CTSS: variants seen among roughly 807,000 people sequenced by gnomAD.
CTSS encodes the protein cathepsin S.
CTSS carries 15 observed loss-of-function variants against 39.9 expected under a neutral mutation model. The ratio of observed to expected loss-of-function variants is 0.38; its 90% CI spans 0.25 to 0.58. The LOEUF is 0.58. Among genes scored for constraint, CTSS ranks in the 20% least tolerant of loss-of-function variants. The pLI, the probability that CTSS is intolerant of heterozygous loss-of-function variation, is 0.70. For synonymous variants in CTSS, 126 were observed against 138.2 expected (o/e 0.91, Z 0.62); for missense variants, 250 against 398.2 (o/e 0.63, Z 3.17).
intron 3 of CTSS, among the ~76,000 whole-genome samples, chr1:150,755,970 T>A (rs181676844): frequency 3.7e-4 from 57 of 152,338 alleles, no homozygotes; most frequent in Non-Finnish European, 6.6e-4. Context: ...TTTTACTTAA[T>A]AAACTTTTAA....
At chr1:150,754,059 C>T (rs1446942141) in intron 4 of CTSS, among the ~76,000 whole-genome samples, 4 of 151,806 alleles carry the variant, frequency 2.6e-5, no homozygotes, top group South Asian at 2.1e-4. Flanking sequence ...TTTTCAAGTT[C>T]CTTATATAAA....
intron 7 of CTSS, among the ~76,000 whole-genome samples, chr1:150,743,608 T>TAC (rs1165395544): frequency 6.8e-4 from 75 of 110,082 alleles, no homozygotes; most frequent in Middle Eastern, 4.5e-3. Context: ...ATACATAATA[T>TAC]ATTATATATG....
At chr1:150,746,649 G>C (rs1652901763) in intron 7 of CTSS, among the ~76,000 whole-genome samples, 1 of 152,174 alleles carries the variant, frequency 6.6e-6, no homozygotes, top group Admixed American at 6.6e-5. Flanking sequence ...TTGTGCCTGA[G>C]CTACTTCTGA....
At chr1:150,746,708 G>A (rs1377319419) in intron 7 of CTSS, among the ~76,000 whole-genome samples, 5 of 152,136 alleles carry the variant, frequency 3.3e-5, no homozygotes, top group Non-Finnish European at 7.4e-5. Flanking sequence ...TCTAGGCAGA[G>A]GGAACACAAA....
intron 3 of CTSS, among the ~76,000 whole-genome samples, 184 bp downstream of exon 3, chr1:150,757,674 G>A (rs947243544): frequency 1.4e-4 from 21 of 152,178 alleles, no homozygotes; most frequent in Non-Finnish European, 2.8e-4. Flanking sequence ...AAAGAAAGCA[G>A]TCAAAATAGA....
chr1:150,763,017 A>G (rs587774903), intron 2 of CTSS, among the ~76,000 whole-genome samples: 11 of 152,274 alleles, frequency 7.2e-5, no homozygotes, highest in African/African-American at 2.4e-4. Context: ...TACGGAATCA[A>G]CCTTATAAAG....
intron 7 of CTSS, 84 bp downstream of exon 7, chr1:150,747,693 G>T: frequency 2.3e-6 from 2 of 875,002 alleles, no homozygotes; most frequent in Non-Finnish European, 3.8e-6. Flanking sequence ...TGATCATAAT[G>T]ATCATCATCA....
At chr1:150,748,088 G>A (rs1201926699) in intron 6 of CTSS, 4 of 426,452 alleles carry the variant, frequency 9.4e-6, no homozygotes, top group South Asian at 9.3e-5. Context: ...TCAAGAGATC[G>A]AGACCATCCT....
intron 5 of CTSS, among the ~76,000 whole-genome samples, chr1:150,751,420 G>A (rs1365437825): frequency 6.6e-6 from 1 of 151,854 alleles, no homozygotes; most frequent in Non-Finnish European, 1.5e-5. Context: ...GCTAATTTTT[G>A]TATTTTTGGT....
chr1:150,759,684 G>T (rs587773533), intron 2 of CTSS, among the ~76,000 whole-genome samples: 3 of 151,904 alleles, frequency 2.0e-5, no homozygotes, highest in East Asian at 3.9e-4. Context: ...CATGCTGACC[G>T]ACGATTTTCT....
chr1:150,735,970 G>T lies in CTSS; in HGVS notation c.897-2825C>A, dbSNP rs587649987. ...AGATGGGGTTTTACCGTGTTAGCCA[G>T]GATGGTCTCGATCTCCTGACCTTGT... On this transcript the variant is annotated intron_variant, in intron 7 of 7. Transcript: ENST00000368985. 6.6e-5 allele frequency among the ~76,000 whole-genome samples: 10 copies of T among 152,156 alleles called. No individual in the cohort carries two copies. The East Asian group carries it at 1.4e-3, about 21-fold the overall frequency.
intron 2 of CTSS, among the ~76,000 whole-genome samples, chr1:150,758,634 G>C (rs1383780396): frequency 1.3e-5 from 2 of 151,808 alleles, no homozygotes; most frequent in East Asian, 3.9e-4. Context: ...TTGACCTCCT[G>C]GGACCCAGCA....
chr1:150,760,782 C>G (rs1479570017), intron 2 of CTSS, among the ~76,000 whole-genome samples: 4 of 151,500 alleles, frequency 2.6e-5, no homozygotes, highest in Non-Finnish European at 4.4e-5. Context: ...ACTTGGAAGG[C>G]TGAGGCAAGA....
At chr1:150,740,539 C>T (rs377564552) in intron 7 of CTSS, among the ~76,000 whole-genome samples, 2 of 151,828 alleles carry the variant, frequency 1.3e-5, no homozygotes, top group Non-Finnish European at 2.9e-5. Flanking sequence ...TACAGGCATG[C>T]GCCACCACGC....
Position 150,748,058 on chromosome 1 carries a change from A to C in CTSS, c.794-179T>G, listed in dbSNP as rs1375832016. On this transcript the variant is annotated intron_variant, in intron 6 of 7. Transcript: ENST00000368985. ...TGTAATCCCAGAAGTTTGGGAGGCC[A>C]AGGCGGGCGGGTCACAAGGTCAAGA... The C allele has an allele frequency of 9.9e-6, 5 of 503,156 alleles. No individual in the cohort carries two copies. In the Admixed American group the frequency reaches 1.9e-4, roughly 19 times the overall value. 31.2% of individuals were successfully genotyped at this position (503,156 alleles called of 1,614,324 possible). A position where few individuals can be genotyped will look rare whatever the true frequency, so the allele number is the denominator to read the frequency against.
intron 7 of CTSS, 105 bp downstream of exon 7, chr1:150,747,672 T>C: frequency 1.3e-6 from 1 of 756,124 alleles, no homozygotes; most frequent in Non-Finnish European, 2.3e-6. Flanking sequence ...AGTTCATCAT[T>C]GTCAATATCG....
chr1:150,735,418 A>C (rs1343167788), intron 7 of CTSS, among the ~76,000 whole-genome samples: 1 of 151,898 alleles, frequency 6.6e-6, no homozygotes, highest in Non-Finnish European at 1.5e-5. Flanking sequence ...TGATTTTCTT[A>C]TCTCTCTCTG....
chr1:150,752,356 T>G (rs1653025220), intron 4 of CTSS, among the ~76,000 whole-genome samples: 1 of 152,206 alleles, frequency 6.6e-6, no homozygotes, highest in African/African-American at 2.4e-5. Flanking sequence ...AATGAGATTT[T>G]GAGAGAGCTA....
intron 6 of CTSS, among the ~76,000 whole-genome samples, chr1:150,748,534 A>C (rs587763354): frequency 6.7e-6 from 1 of 148,606 alleles, no homozygotes; most frequent in South Asian, 2.1e-4. Flanking sequence ...GTATACAGGC[A>C]TATCTCATTT....
Sources: allele counts gnomAD v4.1 joint callset (sites outside exome capture counted in the v4.1 genomes callset), GRCh38; gene constraint gnomAD v4.1.1; transcripts MANE v1.5; gene names NCBI Gene and HGNC (gene_info 2026-07-23, HGNC 2026-07-21).